The following PDE1A variants were observed in gnomAD, a reference collection of about 807,000 sequenced individuals.
PDE1A encodes dual specificity calcium/calmodulin-dependent 3',5'-cyclic nucleotide phosphodiesterase 1A.
A neutral mutation model predicts 61.7 loss-of-function variants in PDE1A; 35 were observed. That is an observed-to-expected ratio of 0.57 (90% CI 0.43 to 0.75). The LOEUF is 0.75. Ranked by LOEUF, PDE1A falls within the 30% of genes least tolerant of loss-of-function variation. The pLI is 0.00. For synonymous variants in PDE1A, 232 were observed against 213.2 expected, an observed-to-expected ratio of 1.09 and a Z score of -0.77; for missense variants, 597 against 630.6, an observed-to-expected ratio of 0.95 and a Z score of 0.57.
chr2:182,221,568 A>G (rs1182337677), intron 7 of PDE1A, among the ~76,000 whole-genome samples: 3 of 151,992 alleles, frequency 2.0e-5, no homozygotes, highest in Non-Finnish European at 4.4e-5. Flanking sequence ...TTTTCCCTCC[A>G]AACTGTATCA....
the PDE1A span, among the ~76,000 whole-genome samples, chr2:182,538,794 CATTTTG>C: frequency 1.3e-5 from 2 of 152,104 alleles, no homozygotes; most frequent in African/African-American, 4.8e-5. Context: ...TTGTAAAACT[CATTTTG>C]ATTTTAAGTG....
the PDE1A span, among the ~76,000 whole-genome samples, chr2:182,570,675 T>C: frequency 1.3e-5 from 2 of 152,236 alleles, no homozygotes; most frequent in Non-Finnish European, 2.9e-5. Context: ...ATCATTTTCT[T>C]ATTGTTTAAA....
chr2:182,390,708 T>A (rs1701371079), intron 1 of PDE1A, among the ~76,000 whole-genome samples: 1 of 152,200 alleles, frequency 6.6e-6, no homozygotes. Context: ...ACCAGGTGTC[T>A]ACTGTTAAAG....
At chr2:182,203,318 T>G (rs1686822425) in intron 8 of PDE1A, among the ~76,000 whole-genome samples, 1 of 139,070 alleles carries the variant, frequency 7.2e-6, no homozygotes, top group African/African-American at 2.9e-5. Flanking sequence ...AGACTCCGTC[T>G]GAAAAAAAAA....
intron 1 of PDE1A, among the ~76,000 whole-genome samples, chr2:182,292,499 T>C (rs1320825072): frequency 6.6e-6 from 1 of 152,070 alleles, no homozygotes; most frequent in Admixed American, 6.6e-5. Context: ...ATTTGATAAT[T>C]ATTTCTTTTT....
the PDE1A span, among the ~76,000 whole-genome samples, chr2:182,706,364 G>A: frequency 6.6e-6 from 1 of 151,958 alleles, no homozygotes; most frequent in African/African-American, 2.4e-5. Context: ...TGTTAATTTG[G>A]GCAAAGACAC....
intron 2 of PDE1A, among the ~76,000 whole-genome samples, chr2:182,432,095 A>G (rs1250150087): frequency 6.6e-6 from 1 of 152,100 alleles, no homozygotes; most frequent in Non-Finnish European, 1.5e-5. Context: ...TTTAAACCCC[A>G]GCTTTAGCGG....
At chr2:182,473,231 G>A (rs1181128083) in intron 2 of PDE1A, among the ~76,000 whole-genome samples, 2 of 151,904 alleles carry the variant, frequency 1.3e-5, no homozygotes, top group Non-Finnish European at 2.9e-5. Context: ...AGGACTTCAT[G>A]TCTAAAACAC....
chr2:182,637,976 C>T, the PDE1A span, among the ~76,000 whole-genome samples: 1 of 152,002 alleles, frequency 6.6e-6, no homozygotes, highest in South Asian at 2.1e-4. Flanking sequence ...GGAACTATCA[C>T]AGACGGGAAG....
At chr2:182,182,552 T>C (rs964355022) in intron 13 of PDE1A, among the ~76,000 whole-genome samples, 10 of 152,142 alleles carry the variant, frequency 6.6e-5, no homozygotes, top group African/African-American at 2.4e-4. Context: ...AGCAGAGTAA[T>C]CCTTTTGAAA....
intron 2 of PDE1A, among the ~76,000 whole-genome samples, chr2:182,517,975 G>A (rs962257527): frequency 1.1e-4 from 16 of 152,156 alleles, no homozygotes; most frequent in African/African-American, 3.9e-4. Flanking sequence ...CAGGAAAAGG[G>A]GTGGTAAGCA....
At chr2:182,259,447 T>C (rs1692068743) in intron 2 of PDE1A, among the ~76,000 whole-genome samples, 1 of 152,196 alleles carries the variant, frequency 6.6e-6, no homozygotes, top group South Asian at 2.1e-4. Context: ...TCATACGTAA[T>C]AAATAAGAAT....
intron 1 of PDE1A, among the ~76,000 whole-genome samples, chr2:182,328,982 A>G (rs1697226314): frequency 6.6e-6 from 1 of 152,188 alleles, no homozygotes. Flanking sequence ...CTTTGTGTAA[A>G]CATGGGCTTT....
the PDE1A span, among the ~76,000 whole-genome samples, chr2:182,707,141 T>C: frequency 6.6e-6 from 1 of 152,352 alleles, no homozygotes. Context: ...TCAGGAATTA[T>C]GGGATGCCAC....
the PDE1A span, among the ~76,000 whole-genome samples, chr2:182,685,316 G>A: frequency 2.6e-5 from 4 of 151,970 alleles, no homozygotes; most frequent in Admixed American, 6.6e-5. Context: ...CTCTGCTTTC[G>A]AAGCTCACTG....
chr2:182,626,736 TACATATATATAC>T, the PDE1A span, among the ~76,000 whole-genome samples: 134 of 12,806 alleles, frequency 0.01, 14 homozygotes, highest in African/African-American at 0.012. Context: ...TATATATATA[TACATATATATAC>T]ATATATATAT....
At chr2:182,606,255 T>C in the PDE1A span, among the ~76,000 whole-genome samples, 10 of 152,224 alleles carry the variant, frequency 6.6e-5, no homozygotes, top group Non-Finnish European at 1.3e-4. Context: ...CTCAGCTCAC[T>C]GCGACCTCCA....
At chr2:182,538,934 T>C in the PDE1A span, among the ~76,000 whole-genome samples, 1 of 152,216 alleles carries the variant, frequency 6.6e-6, no homozygotes, top group African/African-American at 2.4e-5. Flanking sequence ...GGTCCATACC[T>C]AAGATTATGT....
the PDE1A span, among the ~76,000 whole-genome samples, chr2:182,678,795 G>A: frequency 3.3e-5 from 5 of 152,232 alleles, no homozygotes; most frequent in South Asian, 6.2e-4. Context: ...CAGAGGCTGC[G>A]AAGAGGAGGG....
Sources: gnomAD v4.1 joint callset for allele counts (sites outside exome capture counted in the v4.1 genomes callset) on GRCh38, gnomAD v4.1.1 for gene constraint, MANE v1.5 for transcripts, NCBI Gene and HGNC (gene_info 2026-07-23, HGNC 2026-07-21) for gene names.